ADGRA2: variants seen among roughly 807,000 people sequenced by gnomAD.
ADGRA2 encodes the protein adhesion G protein-coupled receptor A2, also known as G-protein coupled receptor 124.
Under a neutral mutation model 98.7 loss-of-function variants are expected in ADGRA2, and 61 were observed. The observed-to-expected ratio is 0.62, with a 90% confidence interval of 0.50 to 0.76. The LOEUF (loss-of-function observed/expected upper bound fraction) is 0.76. Among genes scored for constraint, ADGRA2 ranks in the 30% least tolerant of loss-of-function variants. ADGRA2 has a pLI of 0.00. For missense variants in ADGRA2, 1,712 were observed against 1,860.0 expected (o/e 0.92, Z 1.46); for synonymous variants, 858 against 831.5 (o/e 1.03, Z -0.55).
chr8:37,836,038 AACACACAC>A (rs58082798), intron 13 of ADGRA2, among the ~76,000 whole-genome samples: 11,695 of 124,442 alleles, frequency 0.094, 686 homozygotes, highest in Middle Eastern at 0.12. Context: ...AGCCCCCTCC[AACACACAC>A]ACACACACAC....
intron 2 of ADGRA2, among the ~76,000 whole-genome samples, chr8:37,823,494 C>T (rs985318190): frequency 3.3e-5 from 5 of 152,244 alleles, no homozygotes; most frequent in South Asian, 4.1e-4. Flanking sequence ...AGCTACCACA[C>T]GTGGCCAGTT....
At chr8:37,837,183 T>C (rs1437362606) in intron 13 of ADGRA2, among the ~76,000 whole-genome samples, 5 of 152,218 alleles carry the variant, frequency 3.3e-5, no homozygotes, top group Admixed American at 2.0e-4. Context: ...CCACTAAGAC[T>C]TAAAGGACAA....
rs569467247 is a variant in ADGRA2 at position 37,835,795 on chromosome 8, G to A, written c.2050+25G>A. 171 of 1,470,242 alleles carry A rather than the reference G, an allele frequency of 1.2e-4. 1 individual carries two copies. In the South Asian group the frequency reaches 1.3e-3, roughly 11 times the overall value. 91.1% of individuals were successfully genotyped at this position (1,470,242 alleles called of 1,614,324 possible). On this transcript the variant is annotated intron_variant, in intron 13 of 18. Transcript: ENST00000412232. ...AGTAAGGGACTGAATTCCCCGCCCCGCCCAGGGTGCCTCTCGTGTGTCCGC... is the reference window on the plus strand; with the variant it reads ...AGTAAGGGACTGAATTCCCCGCCCCACCCAGGGTGCCTCTCGTGTGTCCGC...
In ADGRA2 at chr8:37,797,462, G is replaced by A. The variant is rs1046135986; in HGVS notation, c.194G>A (p.Arg65Lys). The change falls in exon 1 of 19, where the codon AGG (arginine) becomes AAG (lysine). Residue 65 changes from arginine to lysine, a missense_variant. Physicochemically the swap from Arg to Lys is conservative, Grantham distance 26 (BLOSUM62 2). Coordinates refer to ENST00000412232, the MANE Select transcript of ADGRA2 (RefSeq NM_032777.10). The surrounding 1 kb of genome is among the most constrained non-coding windows in gnomAD (Gnocchi z 5.3). ...SGGVPGPARR[R>K]VVCSGGDLPE... is the part of the protein sequence containing the mutation. ...GGCGTCCCTGGCCCGGCTCGGCGGA[G>A]GGTGGTGTGCAGCGGCGGGGACCTC... 2.1e-6 allele frequency: 3 copies of A among 1,428,044 alleles called. No homozygotes were observed. The highest frequency in any genetic ancestry group is 2.9e-5 in the Admixed American group (1 of 34,216). The allele number at this position is 1,428,044 out of a possible 1,614,324, so 88.5% of individuals were successfully genotyped here.
chr8:37,832,130 T>TG (rs1805472753), intron 8 of ADGRA2, among the ~76,000 whole-genome samples: 1 of 145,682 alleles, frequency 6.9e-6, no homozygotes. Flanking sequence ...TTTTTTTTTT[T>TG]TGAGAGAGAG....
chr8:37,842,161 G>T lies in ADGRA2; in HGVS notation c.3823G>T (p.Ala1275Ser). 6.6e-7 allele frequency: 1 copy of T among 1,525,620 alleles called. No homozygotes were observed. The highest frequency in any genetic ancestry group is 8.8e-7 in the Non-Finnish European group (1 of 1,140,146). 94.5% of individuals were successfully genotyped at this position (1,525,620 alleles called of 1,614,324 possible). A position where few individuals can be genotyped will look rare whatever the true frequency, so the allele number is the denominator to read the frequency against. ...GGGCCGGGCAGGCCAGCGCCGCAGC[G>T]CCAGCCGCGACAGTCTCAAGGGCGG... The part of the protein sequence containing the change: ...EAGRAGQRRS[A>S]SRDSLKGGGA... The change falls in exon 19 of 19, where the codon GCC becomes TCC. Residue 1275 changes from alanine to serine, a missense_variant. Transcript: ENST00000412232.
At chr8:37,823,389 AG>A (rs1467566468) in intron 2 of ADGRA2, among the ~76,000 whole-genome samples, 6 of 151,452 alleles carry the variant, frequency 4.0e-5, no homozygotes. Context: ...TGGTAGAGAT[AG>A]GGGTCTCACT....
chr8:37,807,417 C>T (rs1204621086), intron 1 of ADGRA2, among the ~76,000 whole-genome samples: 1 of 152,296 alleles, frequency 6.6e-6, no homozygotes, highest in South Asian at 2.1e-4. Context: ...TACCCACATC[C>T]GTCATCGAAC....
rs1364297946 is a variant in ADGRA2 at position 37,842,426 on chromosome 8, G to A, written c.*71G>A. 8.5e-6 allele frequency: 12 copies of A among 1,404,212 alleles called. No homozygotes were observed. The highest frequency in any genetic ancestry group is 3.5e-5 in the Admixed American group (1 of 28,468). The allele number at this position is 1,404,212 out of a possible 1,614,324, so 87.0% of individuals were successfully genotyped here. On this transcript the variant is annotated 3_prime_UTR_variant, in exon 19 of 19. Coordinates refer to ENST00000412232, the MANE Select transcript of ADGRA2 (RefSeq NM_032777.10). Reference sequence around the variant, plus strand: ...CCCCCGCTCCTCGGGGCCCTCCAAGGTGTCTCCGTAGTCAGCAGGTTGGAG... The same window carrying A: ...CCCCCGCTCCTCGGGGCCCTCCAAGATGTCTCCGTAGTCAGCAGGTTGGAG...
chr8:37,803,272 G>A (rs1166534910), intron 1 of ADGRA2, among the ~76,000 whole-genome samples: 1 of 152,196 alleles, frequency 6.6e-6, no homozygotes, highest in Admixed American at 6.5e-5. Context: ...TGGAGGCACC[G>A]GCTGCTCCCC....
chr8:37,829,680 GA>G, intron 5 of ADGRA2, 121 bp downstream of exon 5: 1 of 962,646 alleles, frequency 1.0e-6, no homozygotes, highest in Non-Finnish European at 1.7e-6. Context: ...GACAGTGCCT[GA>G]AATGCCCCCA....
Position 37,814,801 on chromosome 8 carries a change from T to C in ADGRA2, c.267-95T>C, listed in dbSNP as rs952089143. On this transcript the variant is annotated intron_variant, in intron 1 of 18. Coordinates refer to ENST00000412232, the MANE Select transcript of ADGRA2 (RefSeq NM_032777.10). This position sits in a 1 kb window ranked among gnomAD's most constrained non-coding sequence, Gnocchi z 4.3. ...CCTCGCACAACTCCAGGGGGCGCCA[T>C]TGACAAAGATGCAAGCTGGCCCCAC... The C allele has an allele frequency of 8.0e-6, 7 of 872,904 alleles. No homozygotes were observed. The highest frequency in any genetic ancestry group is 1.8e-5 in the Admixed American group (1 of 56,504). The allele number at this position is 872,904 out of a possible 1,614,324, so 54.1% of individuals were successfully genotyped here.
chr8:37,823,310 C>T (rs1392596730), intron 2 of ADGRA2, among the ~76,000 whole-genome samples: 1 of 151,582 alleles, frequency 6.6e-6, no homozygotes, highest in Non-Finnish European at 1.5e-5. Context: ...AAGCAATTCT[C>T]CTGTCTCAGC....
Position 37,841,095 on chromosome 8 carries a change from G to A in ADGRA2, c.2757G>A (p.Leu919=), listed in dbSNP as rs1177289131. 1.3e-6 allele frequency: 2 copies of A among 1,595,916 alleles called. No individual in the cohort carries two copies. The highest frequency in any genetic ancestry group is 1.7e-6 in the Non-Finnish European group (2 of 1,170,874). The stretch of plus-strand genomic sequence containing the variant: ...TCTGTGTCTCCTACAGCTGCTGGCT[G>A]GTGTGGCGTCCAAGCCTTGGCGCCT... ...NYRDHSPYCW[L]VWRPSLGAFY... is the part of the protein sequence containing the mutation. Residue 919 remains leucine (L), a synonymous_variant, in exon 19 of 19, where the codon CTG becomes CTA. Transcript: ENST00000412232. This position sits in a 1 kb window ranked among gnomAD's most constrained non-coding sequence, Gnocchi z 5.0.
Position 37,840,229 on chromosome 8 carries a change from GGGGACCC to G in ADGRA2, c.2621_2627del (p.Gly874AlafsTer14). Reference sequence around the variant, plus strand: ...CTGGAGGGCACCCCCTCCGCAAGAAGGGGACCCCGCTCTGCCTACTCCCAGTCCTATG... The same window carrying G: ...CTGGAGGGCACCCCCTCCGCAAGAAGCGCTCTGCCTACTCCCAGTCCTATG... On this transcript the variant is annotated frameshift_variant, in exon 17 of 19. Coordinates refer to ENST00000412232, the MANE Select transcript of ADGRA2 (RefSeq NM_032777.10). LOFTEE classifies it high-confidence loss of function. 6.2e-7 allele frequency: 1 copy of G among 1,613,028 alleles called. No homozygotes were observed. Among genetic ancestry groups the G allele is most frequent in the South Asian group, 1.1e-5 (1 of 91,088 alleles).
Position 37,840,162 on chromosome 8 carries a change from C to T in ADGRA2, c.2553C>T (p.Leu851=). Reference sequence around the variant, plus strand: ...ACTACTCCTCCCTATCCACGCTGCTCTGGATGGGCGTGAAGGCGCGAGTGC... The same window carrying T: ...ACTACTCCTCCCTATCCACGCTGCTTTGGATGGGCGTGAAGGCGCGAGTGC... ...TLHYSSLSTL[L]WMGVKARVLH... The change falls in exon 17 of 19, where the codon CTC becomes CTT. Residue 851 remains leucine (L), a synonymous_variant. Coordinates refer to ENST00000412232, the MANE Select transcript of ADGRA2 (RefSeq NM_032777.10). The T allele has an allele frequency of 6.2e-7, 1 of 1,610,562 alleles. No homozygotes were observed. The highest frequency in any genetic ancestry group is 1.3e-5 in the African/African-American group (1 of 75,056).
rs147293918 is a variant in ADGRA2 at position 37,834,041 on chromosome 8, C to T, written c.1521C>T (p.Arg507=). ...VDEHLLWLAQ[R]EDKACSRIVG... ...AGCACCTGCTGTGGCTGGCCCAGCG[C>T]GAGGACAAGGCCTGCAGCCGCATCG... Residue 507 remains arginine (R), a synonymous_variant, in exon 11 of 19, where the codon CGC becomes CGT. Transcript: ENST00000412232. This position sits in a 1 kb window ranked among gnomAD's most constrained non-coding sequence, Gnocchi z 4.2. 1.6e-5 allele frequency: 25 copies of T among 1,612,836 alleles called. No homozygotes were observed. The highest frequency in any genetic ancestry group is 1.5e-4 in the African/African-American group (11 of 74,934).
In ADGRA2 at chr8:37,839,487, G is replaced by C. The variant is rs1301674888; in HGVS notation, c.2388-12G>C. The C allele has an allele frequency of 3.7e-6, 6 of 1,613,912 alleles. No homozygotes were observed. Among genetic ancestry groups the C allele is most frequent in the Non-Finnish European group, 5.1e-6 (6 of 1,179,978 alleles). ...GTTGGACGGCCATTAATTCGAGACTGTTTCCGGGCAGCTCCATCCGTGTGT... is the reference window on the plus strand; with the variant it reads ...GTTGGACGGCCATTAATTCGAGACTCTTTCCGGGCAGCTCCATCCGTGTGT... On this transcript the variant is annotated splice_polypyrimidine_tract_variant and intron_variant, in intron 15 of 18. Transcript: ENST00000412232.
At position 37,822,408 on chromosome 8, in the gene ADGRA2, C is replaced by G. The variant is rs1379540407; in HGVS notation, c.339-6480C>G. ...GTACACACACACACACACACACACA[C>G]AGTCACATGCTCTTTAACTCACATG... On this transcript the variant is annotated intron_variant, in intron 2 of 18. Coordinates refer to ENST00000412232, the MANE Select transcript of ADGRA2 (RefSeq NM_032777.10). Among the ~76,000 whole-genome samples the G allele has an allele frequency of 1.6e-4, 21 of 130,314 alleles. No individual in the cohort carries two copies. The East Asian group carries it at 3.0e-3, about 19-fold the overall frequency. The allele number at this position is 130,314 out of a possible 152,430, so 85.5% of individuals were successfully genotyped here.
Sources: gnomAD v4.1 joint callset for allele counts (sites outside exome capture counted in the v4.1 genomes callset) on GRCh38, gnomAD v4.1.1 for gene constraint, Gnocchi (gnomAD v3.1) non-coding constraint, MANE v1.5 for transcripts, NCBI Gene and HGNC (gene_info 2026-07-23, HGNC 2026-07-21) for gene names.